SUFU: variants seen among roughly 807,000 people sequenced by gnomAD.
SUFU encodes the protein suppressor of fused homolog.
Under a neutral mutation model 58.9 loss-of-function variants are expected in SUFU, and 7 were observed. The observed-to-expected ratio is 0.12, with a 90% CI of 0.07 to 0.22. The LOEUF (loss-of-function observed/expected upper bound fraction) is 0.22. Among genes scored for constraint, SUFU ranks in the 10% least tolerant of loss-of-function variants. The pLI, the probability that SUFU is intolerant of heterozygous loss-of-function variation, is 1.00. For missense variants in SUFU, 451 were observed against 641.3 expected, an observed-to-expected ratio of 0.70 and a Z score of 3.20; for synonymous variants, 232 against 254.8, an observed-to-expected ratio of 0.91 and a Z score of 0.85.
chr10:102,532,082 C>T (rs2062683631), intron 2 of SUFU, among the ~76,000 whole-genome samples: 1 of 152,096 alleles, frequency 6.6e-6, no homozygotes, highest in African/African-American at 2.4e-5. Flanking sequence ...CCTGCCTCGG[C>T]CTCCTGAGTA....
rs574646954 is a variant in SUFU, at chr10:102,620,433, G to A, written c.1296+3005G>A. Among the ~76,000 whole-genome samples, 3 of 152,302 alleles carry A rather than the reference G, an allele frequency of 2.0e-5. No individual in the cohort carries two copies. The South Asian group carries it at 6.2e-4, about 32-fold the overall frequency. On this transcript the variant is annotated intron_variant, in intron 10 of 11. Transcript: ENST00000369902. Reference sequence around the variant, plus strand: ...CCTTCCCCCATCAGTCCAGACCCAGGAGAGTCAGGGCCCCAGCATGTGGCA... The same window carrying A: ...CCTTCCCCCATCAGTCCAGACCCAGAAGAGTCAGGGCCCCAGCATGTGGCA...
chr10:102,569,189 G>T (rs2063136670), intron 3 of SUFU, among the ~76,000 whole-genome samples: 1 of 151,868 alleles, frequency 6.6e-6, no homozygotes. Context: ...AAGGTCCGCA[G>T]ATTTTACAGT....
In SUFU at chr10:102,509,148, CCT is replaced by C. The variant is rs763795960; in HGVS notation, c.183-20_183-19del. ...TGATTTCCAGGCTTACACTAACACC[CCT>C]GTGTTTTGTTTTTTGCAGGTTGGGT... is the stretch of plus-strand genomic sequence containing the variant. On this transcript the variant is annotated intron_variant, in intron 1 of 11. Coordinates refer to ENST00000369902, the MANE Select transcript of SUFU (RefSeq NM_016169.4). 6.1e-5 allele frequency: 98 copies of C among 1,613,582 alleles called. No homozygotes were observed. The highest frequency in any genetic ancestry group is 5.3e-4 in the South Asian group (48 of 91,066).
chr10:102,573,753 C>A (rs1253226375), intron 3 of SUFU, among the ~76,000 whole-genome samples: 1 of 152,040 alleles, frequency 6.6e-6, no homozygotes, highest in Non-Finnish European at 1.5e-5. Flanking sequence ...TTGTATGATT[C>A]CACTTACATA....
At position 102,630,507 on chromosome 10, in the gene SUFU, C is replaced by A. The variant is rs139725961; in HGVS notation, c.*352C>A. On this transcript the variant is annotated 3_prime_UTR_variant, in exon 12 of 12. Transcript: ENST00000369902. ...AGACAGCCCTCTTTCTCACCTACCCCCTGCCGCACAGCCCAGCAGGAGGGA... is the reference window on the plus strand; with the variant it reads ...AGACAGCCCTCTTTCTCACCTACCCACTGCCGCACAGCCCAGCAGGAGGGA... 17 of 446,148 alleles carry A rather than the reference C, an allele frequency of 3.8e-5. No homozygotes were observed. Among genetic ancestry groups the A allele is most frequent in the African/African-American group, 2.7e-4 (14 of 51,142 alleles). 27.6% of individuals were successfully genotyped at this position (446,148 alleles called of 1,614,324 possible).
chr10:102,561,024 G>A (rs1325605282), intron 3 of SUFU, among the ~76,000 whole-genome samples: 1 of 152,000 alleles, frequency 6.6e-6, no homozygotes, highest in African/African-American at 2.4e-5. Flanking sequence ...TGTATTTTTA[G>A]TAGAGACGGG....
At chr10:102,511,857 T>C (rs1383338583) in intron 2 of SUFU, among the ~76,000 whole-genome samples, 1 of 152,170 alleles carries the variant, frequency 6.6e-6, no homozygotes, top group African/African-American at 2.4e-5. Flanking sequence ...ACTACAGGCA[T>C]GCACCACCAC....
At chr10:102,626,463 G>A (rs1019896048) in intron 10 of SUFU, among the ~76,000 whole-genome samples, 2 of 152,168 alleles carry the variant, frequency 1.3e-5, no homozygotes, top group South Asian at 2.1e-4. Context: ...GAACAGCAAC[G>A]TGGAATGCTG....
intron 6 of SUFU, 114 bp from the exon 7 acceptor site, chr10:102,597,026 T>C (rs933707778): frequency 2.4e-6 from 3 of 1,273,882 alleles, no homozygotes; most frequent in African/African-American, 2.9e-5. Flanking sequence ...ATTTGTCCCA[T>C]GCTCAGCACC....
chr10:102,589,181 G>A (rs1010671075), intron 3 of SUFU, among the ~76,000 whole-genome samples: 1 of 152,050 alleles, frequency 6.6e-6, no homozygotes, highest in Admixed American at 6.5e-5. Flanking sequence ...TCCTACCTCG[G>A]CCTCTGAAAG....
At chr10:102,539,719 C>T (rs1375714732) in intron 2 of SUFU, among the ~76,000 whole-genome samples, 1 of 152,118 alleles carries the variant, frequency 6.6e-6, no homozygotes, top group Non-Finnish European at 1.5e-5. Context: ...TATTTACTTA[C>T]TTATTCATTT....
intron 2 of SUFU, among the ~76,000 whole-genome samples, chr10:102,510,512 C>T (rs1479917855): frequency 1.3e-5 from 2 of 148,764 alleles, no homozygotes; most frequent in Non-Finnish European, 3.0e-5. Flanking sequence ...CGGCCTGCTA[C>T]CATCTATATT....
chr10:102,523,062 G>A (rs1228514338), intron 2 of SUFU, among the ~76,000 whole-genome samples: 1 of 152,164 alleles, frequency 6.6e-6, no homozygotes, highest in African/African-American at 2.4e-5. Flanking sequence ...CCAGGCCTGA[G>A]TTTGAGGCTG....
At chr10:102,597,830 C>T (rs992065081) in intron 7 of SUFU, among the ~76,000 whole-genome samples, 2 of 152,328 alleles carry the variant, frequency 1.3e-5, no homozygotes, top group East Asian at 1.9e-4. Flanking sequence ...CTGGACCCAC[C>T]GTGTTCCGGA....
chr10:102,563,925 A>G (rs952689268), intron 3 of SUFU, among the ~76,000 whole-genome samples: 2 of 152,168 alleles, frequency 1.3e-5, no homozygotes, highest in East Asian at 3.9e-4. Context: ...CAGCTCTGCC[A>G]TTCCAGTCCC....
chr10:102,574,215 A>G (rs1417706646), intron 3 of SUFU, among the ~76,000 whole-genome samples: 3 of 152,204 alleles, frequency 2.0e-5, no homozygotes, highest in African/African-American at 7.2e-5. Flanking sequence ...AAGCAAAATA[A>G]AACAAGTGAA....
chr10:102,502,943 C>T (rs2062270215), upstream of SUFU, among the ~76,000 whole-genome samples: 4 of 152,226 alleles, frequency 2.6e-5, no homozygotes, highest in Admixed American at 1.3e-4. Context: ...TGTTGCATGC[C>T]TGGATCTGTA....
At position 102,632,670 on chromosome 10, in the gene SUFU, G is replaced by T; in HGVS notation, c.*2515G>T. On this transcript the variant is annotated 3_prime_UTR_variant, in exon 12 of 12. Coordinates refer to ENST00000369902, the MANE Select transcript of SUFU (RefSeq NM_016169.4). Reference sequence around the variant, plus strand: ...TGAGGGAGCCCCTGACCTTGTAGTGGGTGGAGGAGGTAAGGGGCCTCCCTC... The same window carrying T: ...TGAGGGAGCCCCTGACCTTGTAGTGTGTGGAGGAGGTAAGGGGCCTCCCTC... 1 of 233,290 alleles carries T rather than the reference G, an allele frequency of 4.3e-6. No individual in the cohort carries two copies. Among genetic ancestry groups the T allele is most frequent in the Non-Finnish European group, 8.5e-6 (1 of 118,088 alleles). 14.5% of individuals were successfully genotyped at this position (233,290 alleles called of 1,614,324 possible).
intron 2 of SUFU, among the ~76,000 whole-genome samples, chr10:102,529,925 C>G (rs924012445): frequency 6.8e-6 from 1 of 147,196 alleles, no homozygotes; most frequent in Non-Finnish European, 1.5e-5. Context: ...AGCCTAGCGA[C>G]AGAGTGAGAC....
Sources: gnomAD v4.1 joint callset for allele counts (sites outside exome capture counted in the v4.1 genomes callset) on GRCh38, gnomAD v4.1.1 for gene constraint, MANE v1.5 for transcripts, NCBI Gene and HGNC (gene_info 2026-07-23, HGNC 2026-07-21) for gene names.